DAGLB: variants seen among roughly 807,000 people sequenced by gnomAD.
DAGLB encodes diacylglycerol lipase beta.
DAGLB carries 66 observed loss-of-function variants against 72.1 expected under a neutral mutation model. That is an observed-to-expected ratio of 0.92 (90% CI 0.75 to 1.12). The LOEUF is 1.12. Ranked by LOEUF, DAGLB falls within the 50% of genes most tolerant of loss-of-function variation. DAGLB has a pLI of 0.00. For missense variants in DAGLB, 1,065 were observed against 884.9 expected (o/e 1.20, Z -2.58); for synonymous variants, 414 against 359.5 (o/e 1.15, Z -1.71).
At chr7:6,430,074 G>A (rs1158377721) in intron 6 of DAGLB, among the ~76,000 whole-genome samples, 5 of 150,754 alleles carry the variant, frequency 3.3e-5, no homozygotes, top group African/African-American at 9.8e-5. Flanking sequence ...GCATGGTGGC[G>A]GGCACCTGTA....
In DAGLB at chr7:6,447,899, C is replaced by T; in HGVS notation, c.-57G>A. 1 of 1,514,888 alleles carries T rather than the reference C, an allele frequency of 6.6e-7. No individual in the cohort carries two copies. Among genetic ancestry groups the T allele is most frequent in the Non-Finnish European group, 8.8e-7 (1 of 1,135,360 alleles). The allele number at this position is 1,514,888 out of a possible 1,614,324, so 93.8% of individuals were successfully genotyped here. A position where few individuals can be genotyped will look rare whatever the true frequency, so the allele number is the denominator to read the frequency against. On this transcript the variant is annotated 5_prime_UTR_variant, in exon 1 of 15. Transcript: ENST00000297056. Reference sequence around the variant, plus strand: ...GACCCCGCGCGCCGTTCACCGAGAACAAACCAGCACCCTCCGGACGCCGCC... The same window carrying T: ...GACCCCGCGCGCCGTTCACCGAGAATAAACCAGCACCCTCCGGACGCCGCC...
rs369570265 is a variant in DAGLB at position 6,421,684 on chromosome 7, T to C, written c.1218+43A>G. On this transcript the variant is annotated intron_variant, in intron 9 of 14. Transcript: ENST00000297056. Reference sequence around the variant, plus strand: ...TGACCCGAGGCACCCATCTTCTGTGTGGTCAGCATTCACAGGCAAGACACA... The same window carrying C: ...TGACCCGAGGCACCCATCTTCTGTGCGGTCAGCATTCACAGGCAAGACACA... 424 of 1,564,262 alleles carry C rather than the reference T, an allele frequency of 2.7e-4. 1 individual carries two copies. Among genetic ancestry groups the C allele is most frequent in the Admixed American group, 8.1e-4 (47 of 57,884 alleles).
Position 6,424,704 on chromosome 7 carries a change from C to T in DAGLB, c.1140+48G>A, listed in dbSNP as rs769834024. The stretch of plus-strand genomic sequence containing the variant: ...CCCCAGCCGAGCAGCTGTGGGCTCC[C>T]GCTCCCGCACCCACTCCCAGGGCTG... On this transcript the variant is annotated intron_variant, in intron 8 of 14. Coordinates refer to ENST00000297056, the MANE Select transcript of DAGLB (RefSeq NM_139179.4). 1.0e-5 allele frequency: 16 copies of T among 1,589,726 alleles called. 1 individual carries two copies. Among genetic ancestry groups the T allele is most frequent in the South Asian group, 4.4e-5 (4 of 90,548 alleles).
chr7:6,437,155 A>AAATAATAAT (rs36026233), intron 2 of DAGLB, among the ~76,000 whole-genome samples: 1,267 of 125,466 alleles, frequency 0.01, 17 homozygotes, highest in African/African-American at 0.026. Context: ...CTCCGTCTCA[A>AAATAATAAT]AATAATAATA....
In DAGLB at chr7:6,441,318, C is replaced by G. The variant is rs576382498; in HGVS notation, c.247+4635G>C. Among the ~76,000 whole-genome samples, 14 of 150,472 alleles carry G rather than the reference C, an allele frequency of 9.3e-5. No homozygotes were observed. In the South Asian group the frequency reaches 2.7e-3, roughly 29 times the overall value. ...ATGTTAGCCAGGATGGTCTCAATCT[C>G]CTCACCTCATGATTCGCCCGCCTCG... On this transcript the variant is annotated intron_variant, in intron 2 of 14. Coordinates refer to ENST00000297056, the MANE Select transcript of DAGLB (RefSeq NM_139179.4).
chr7:6,412,848 C>A lies in DAGLB; in HGVS notation c.1532G>T (p.Arg511Ile), dbSNP rs761734810. ...GCAGTGCGCGACCACTCGCAAGATT[C>A]TTCTCTTCAGATCTTCCAAGTTGGT... ...SVTNLEDLKR[R>I]ILRVVAHCNK... The change falls in exon 13 of 15, where the codon AGA becomes ATA. Residue 511 changes from arginine to isoleucine, a missense_variant. Physicochemically the swap from Arg to Ile is moderately conservative, Grantham distance 97. Transcript: ENST00000297056. 2 of 1,604,096 alleles carry A rather than the reference C, an allele frequency of 1.2e-6. No homozygotes were observed. The highest frequency in any genetic ancestry group is 8.5e-7 in the Non-Finnish European group (1 of 1,174,294).
At position 6,416,760 on chromosome 7, in the gene DAGLB, GGACA is replaced by G; in HGVS notation, c.1300-10_1300-7del. On this transcript the variant is annotated splice_region_variant and splice_polypyrimidine_tract_variant and intron_variant, in intron 10 of 14. Coordinates refer to ENST00000297056, the MANE Select transcript of DAGLB (RefSeq NM_139179.4). The stretch of plus-strand genomic sequence containing the variant: ...ACTATGACCAGCCGGTACTCCTAGA[GGACA>G]GACAGCAGAATGAGGTGAAGGGTAA... 1.2e-6 allele frequency: 2 copies of G among 1,613,886 alleles called. No individual in the cohort carries two copies. The highest frequency in any genetic ancestry group is 1.7e-6 in the Non-Finnish European group (2 of 1,179,886).
At chr7:6,428,315 C>CAAAAAAAAAAAAAAAAA (rs749361631) in intron 6 of DAGLB, among the ~76,000 whole-genome samples, 1 of 77,014 alleles carries the variant, frequency 1.3e-5, no homozygotes, top group African/African-American at 4.8e-5. Flanking sequence ...GACTCTGTCT[C>CAAAAAAAAAAAAAAAAA]AAAAAAAAAA....
intron 9 of DAGLB, 71 bp from the exon 10 acceptor site, chr7:6,416,992 G>A: frequency 6.5e-7 from 1 of 1,530,412 alleles, no homozygotes. Context: ...CTCAAAGATG[G>A]GATGACGCTG....
intron 5 of DAGLB, among the ~76,000 whole-genome samples, chr7:6,431,021 C>G (rs950130808): frequency 9.2e-5 from 14 of 152,156 alleles, no homozygotes; most frequent in African/African-American, 3.4e-4. Flanking sequence ...GGTGATCAAC[C>G]TGCCTTGGCC....
intron 11 of DAGLB, among the ~76,000 whole-genome samples, chr7:6,413,663 A>G (rs778531890): frequency 6.6e-6 from 1 of 152,102 alleles, no homozygotes; most frequent in Non-Finnish European, 1.5e-5. Context: ...TGCCCCAGCA[A>G]AAATGAAGGG....
rs1785007909 is a variant in DAGLB at position 6,446,507 on chromosome 7, A to AG, written c.96-404_96-403insC. On this transcript the variant is annotated intron_variant, in intron 1 of 14. Transcript: ENST00000297056. ...AAAAAAAAAAAAAAAAAAAAAAAAA[A>AG]AAAGAAATAAAAGGAGTTAATATTT... 3.7e-5 allele frequency among the ~76,000 whole-genome samples: 5 copies of AG among 135,594 alleles called. No individual in the cohort carries two copies. The East Asian group carries it at 8.3e-4, about 22-fold the overall frequency. The allele number at this position is 135,594 out of a possible 152,430, so 89.0% of individuals were successfully genotyped here.
chr7:6,414,231 T>C (rs561493483), intron 11 of DAGLB, among the ~76,000 whole-genome samples: 2 of 152,066 alleles, frequency 1.3e-5, no homozygotes, highest in South Asian at 2.1e-4. Context: ...AGGATGGTCT[T>C]GATCTCCTGA....
intron 5 of DAGLB, among the ~76,000 whole-genome samples, chr7:6,431,094 G>A (rs1050684203): frequency 6.6e-6 from 1 of 151,584 alleles, no homozygotes; most frequent in Non-Finnish European, 1.5e-5. Context: ...CATTTTATAG[G>A]AACACAGCAA....
intron 6 of DAGLB, among the ~76,000 whole-genome samples, chr7:6,426,328 G>A (rs1157937485): frequency 6.6e-6 from 1 of 152,210 alleles, no homozygotes; most frequent in Non-Finnish European, 1.5e-5. Flanking sequence ...GGAGTACCGT[G>A]GTACAATCTC....
In DAGLB at chr7:6,445,995, C is replaced by A. The variant is rs914343338; in HGVS notation, c.205G>T (p.Val69Phe). ...ATGATGGCTGACACAGTACATATGA[C>A]AACTGCCAGGAGAATCATGAGGACG... Reference protein sequence around the residue: ...LIVLMILLAVVICTVSAIMCV... With the variant: ...LIVLMILLAVFICTVSAIMCV... Residue 69 changes from valine to phenylalanine, a missense_variant, in exon 2 of 15, where the codon GTC (valine) becomes TTC (phenylalanine). Physicochemically the swap from Val to Phe is conservative, Grantham distance 50 (BLOSUM62 -1). Transcript: ENST00000297056. The A allele has an allele frequency of 6.2e-7, 1 of 1,613,502 alleles. No homozygotes were observed. Among genetic ancestry groups the A allele is most frequent in the South Asian group, 1.1e-5 (1 of 91,050 alleles).
chr7:6,436,241 A>G (rs1016038391), intron 3 of DAGLB, 121 bp downstream of exon 3: 37 of 1,277,954 alleles, frequency 2.9e-5, no homozygotes, highest in Non-Finnish European at 3.5e-5. Flanking sequence ...GCAGAAACTA[A>G]CTCCAATTTC....
chr7:6,447,915 G>A lies in DAGLB; in HGVS notation c.-73C>T, dbSNP rs141292213. On this transcript the variant is annotated 5_prime_UTR_variant, in exon 1 of 15. Coordinates refer to ENST00000297056, the MANE Select transcript of DAGLB (RefSeq NM_139179.4). Reference sequence around the variant, plus strand: ...CACCGAGAACAAACCAGCACCCTCCGGACGCCGCCACCAAATTATCGGCGC... The same window carrying A: ...CACCGAGAACAAACCAGCACCCTCCAGACGCCGCCACCAAATTATCGGCGC... The A allele has an allele frequency of 1.4e-5, 21 of 1,482,408 alleles. No individual in the cohort carries two copies. Among genetic ancestry groups the A allele is most frequent in the South Asian group, 1.3e-4 (10 of 79,318 alleles). 91.8% of individuals were successfully genotyped at this position (1,482,408 alleles called of 1,614,324 possible). A position where few individuals can be genotyped will look rare whatever the true frequency, so the allele number is the denominator to read the frequency against.
intron 2 of DAGLB, among the ~76,000 whole-genome samples, chr7:6,445,364 C>T (rs1784965202): frequency 6.6e-6 from 1 of 152,126 alleles, no homozygotes; most frequent in African/African-American, 2.4e-5. Context: ...GCTTAAGAAA[C>T]CAGACCAAAA....
Sources: gnomAD v4.1 joint callset for allele counts (sites outside exome capture counted in the v4.1 genomes callset) on GRCh38, gnomAD v4.1.1 for gene constraint, MANE v1.5 for transcripts, NCBI Gene and HGNC (gene_info 2026-07-23, HGNC 2026-07-21) for gene names.